NCALD: variants seen among roughly 807,000 people sequenced by gnomAD.
NCALD encodes neurocalcin delta, also known as neurocalcin-delta.
Under a neutral mutation model 18.6 loss-of-function variants are expected in NCALD, and 10 were observed. That is an observed-to-expected ratio of 0.54 (90% CI 0.33 to 0.91). NCALD has a LOEUF of 0.91. Among genes scored for constraint, NCALD ranks in the 40% least tolerant of loss-of-function variants. NCALD has a pLI of 0.03. For synonymous variants in NCALD, 88 were observed against 87.4 expected, an observed-to-expected ratio of 1.01 and a Z score of -0.04; for missense variants, 184 against 247.6, an observed-to-expected ratio of 0.74 and a Z score of 1.72.
chr8:101,963,517 A>AATG (rs1413611284), intron 2 of NCALD, among the ~76,000 whole-genome samples: 16 of 152,310 alleles, frequency 1.1e-4, no homozygotes, highest in African/African-American at 3.4e-4. Flanking sequence ...GAGGGACAGA[A>AATG]CTGCTGCCGG....
chr8:102,073,953 C>T (rs1312462405), intron 1 of NCALD, among the ~76,000 whole-genome samples: 2 of 152,166 alleles, frequency 1.3e-5, no homozygotes, highest in African/African-American at 2.4e-5. Flanking sequence ...TGGAACACCT[C>T]GAGTTAGAGG....
chr8:102,020,887 C>T (rs1402672168), intron 1 of NCALD, among the ~76,000 whole-genome samples: 1 of 152,174 alleles, frequency 6.6e-6, no homozygotes, highest in Non-Finnish European at 1.5e-5. Context: ...CTCCTCACCC[C>T]TTGCCAGCTC....
intron 4 of NCALD, among the ~76,000 whole-genome samples, chr8:101,802,760 T>G (rs1812915716): frequency 6.6e-6 from 1 of 151,988 alleles, no homozygotes; most frequent in African/African-American, 2.4e-5. Context: ...ACTTTGAATC[T>G]AGCAAAGGTT....
chr8:101,950,172 G>C (rs2131804720), intron 2 of NCALD: 1 of 152,436 alleles, frequency 6.6e-6, no homozygotes, highest in South Asian at 2.1e-4. Flanking sequence ...AACCCACAAG[G>C]ACAAAGAAAA....
intron 1 of NCALD, among the ~76,000 whole-genome samples, chr8:102,027,662 C>T (rs1822508864): frequency 6.6e-6 from 1 of 152,168 alleles, no homozygotes. Context: ...CAGCGCCCTA[C>T]ACCCAGAACA....
chr8:101,782,596 C>CA (rs1319635826), intron 1 of NCALD, among the ~76,000 whole-genome samples: 1 of 152,088 alleles, frequency 6.6e-6, no homozygotes, highest in Non-Finnish European at 1.5e-5. Context: ...TTCCTTTTCC[C>CA]AACCATGTTC....
chr8:101,932,361 A>G (rs1203619308), intron 2 of NCALD, among the ~76,000 whole-genome samples: 4 of 152,138 alleles, frequency 2.6e-5, no homozygotes, highest in African/African-American at 9.7e-5. Context: ...ATGTCCCCCA[A>G]AATAATCACA....
At chr8:101,835,724 G>A (rs1048756924) in intron 4 of NCALD, among the ~76,000 whole-genome samples, 13 of 151,938 alleles carry the variant, frequency 8.6e-5, no homozygotes, top group African/African-American at 2.9e-4. Flanking sequence ...GTGTGCATGC[G>A]TGTGTGTGAG....
At chr8:101,839,725 G>A (rs2131283269) in intron 4 of NCALD, among the ~76,000 whole-genome samples, 1 of 152,290 alleles carries the variant, frequency 6.6e-6, no homozygotes, top group African/African-American at 2.4e-5. Flanking sequence ...AAAGTCAAAT[G>A]TCTTTAGAAT....
intron 1 of NCALD, among the ~76,000 whole-genome samples, chr8:102,095,559 T>C (rs1825065076): frequency 6.6e-6 from 1 of 152,186 alleles, no homozygotes; most frequent in African/African-American, 2.4e-5. Context: ...ACATTGTTAG[T>C]GGGTTCATTA....
At chr8:101,790,110 C>T (rs1812391740) in intron 1 of NCALD, among the ~76,000 whole-genome samples, 1 of 152,136 alleles carries the variant, frequency 6.6e-6, no homozygotes, top group African/African-American at 2.4e-5. Flanking sequence ...AAAATAACAA[C>T]AGCTTACATG....
chr8:101,777,665 G>A (rs1190449922), intron 1 of NCALD, among the ~76,000 whole-genome samples: 1 of 152,172 alleles, frequency 6.6e-6, no homozygotes, highest in Admixed American at 6.5e-5. Context: ...TCAGCACACT[G>A]GGGCAGCCAC....
At chr8:101,797,618 C>T (rs370898824) in intron 4 of NCALD, among the ~76,000 whole-genome samples, 4 of 152,064 alleles carry the variant, frequency 2.6e-5, no homozygotes, top group African/African-American at 9.7e-5. Flanking sequence ...GAGATTGAGA[C>T]CATCCTGGCC....
At position 101,719,658 on chromosome 8, in the gene NCALD, G is replaced by C; in HGVS notation, c.-19-10C>G. On this transcript the variant is annotated splice_polypyrimidine_tract_variant and intron_variant, in intron 1 of 3. Coordinates refer to ENST00000220931, the MANE Select transcript of NCALD (RefSeq NM_032041.3). ...GGCGGCAAGAATTCAGCTGCAGATAGAAAAGAAAACATATATAATTTGTAG... is the reference window on the plus strand; with the variant it reads ...GGCGGCAAGAATTCAGCTGCAGATACAAAAGAAAACATATATAATTTGTAG... 1 of 1,536,818 alleles carries C rather than the reference G, an allele frequency of 6.5e-7. No individual in the cohort carries two copies. Among genetic ancestry groups the C allele is most frequent in the Non-Finnish European group, 8.7e-7 (1 of 1,147,444 alleles).
intron 2 of NCALD, among the ~76,000 whole-genome samples, chr8:101,998,598 C>T (rs1231323064): frequency 6.6e-6 from 1 of 152,176 alleles, no homozygotes. Flanking sequence ...GTGGCCCTTC[C>T]ATCATGATTA....
intron 2 of NCALD, among the ~76,000 whole-genome samples, chr8:101,964,211 CT>C (rs1164773500): frequency 3.9e-5 from 6 of 152,104 alleles, no homozygotes; most frequent in African/African-American, 1.4e-4. Context: ...AATGGCTTGC[CT>C]CTAGACACAC....
intron 2 of NCALD, among the ~76,000 whole-genome samples, chr8:101,969,351 T>C (rs1820151523): frequency 6.6e-6 from 1 of 152,178 alleles, no homozygotes; most frequent in African/African-American, 2.4e-5. Flanking sequence ...TGAGTGGGTT[T>C]CTATTATTCA....
intron 4 of NCALD, among the ~76,000 whole-genome samples, chr8:101,854,923 G>C (rs1815246078): frequency 6.6e-6 from 1 of 152,126 alleles, no homozygotes; most frequent in African/African-American, 2.4e-5. Flanking sequence ...GATCAATAAT[G>C]CCATTGTGTT....
intron 2 of NCALD, chr8:101,693,954 C>T (rs1814865984): frequency 6.6e-6 from 1 of 152,190 alleles, no homozygotes; most frequent in South Asian, 2.1e-4. Flanking sequence ...GCTATGAGAT[C>T]TGATGGGCGA....
Sources: gnomAD v4.1 joint callset for allele counts (sites outside exome capture counted in the v4.1 genomes callset) on GRCh38, gnomAD v4.1.1 for gene constraint, MANE v1.5 for transcripts, NCBI Gene and HGNC (gene_info 2026-07-23, HGNC 2026-07-21) for gene names.